SLC12A6: variants seen among roughly 807,000 people sequenced by gnomAD.
SLC12A6 encodes K-Cl cotransporter 3.
In SLC12A6, 66 loss-of-function variants were observed where a neutral mutation model predicts 135.3. The ratio of observed to expected loss-of-function variants is 0.49; its 90% CI spans 0.40 to 0.60. The LOEUF is 0.60. SLC12A6 is among the 20% of genes least tolerant of loss of function. The pLI is 0.00. For synonymous variants in SLC12A6, 513 were observed against 508.8 expected (o/e 1.01, Z -0.11); for missense variants, 1,058 against 1,452.3 (o/e 0.73, Z 4.41).
intron 2 of SLC12A6, among the ~76,000 whole-genome samples, chr15:34,333,308 C>T (rs1170388568): frequency 1.3e-5 from 2 of 150,926 alleles, no homozygotes; most frequent in Non-Finnish European, 2.9e-5. Context: ...CAGCTCACTG[C>T]AACCTCCGCC....
At chr15:34,288,308 T>C (rs1895261359) in intron 2 of SLC12A6, among the ~76,000 whole-genome samples, 1 of 152,222 alleles carries the variant, frequency 6.6e-6, no homozygotes, top group Non-Finnish European at 1.5e-5. Flanking sequence ...TGTGGTGTTA[T>C]TTCTGAGGCC....
chr15:34,327,659 A>T (rs1412333965), intron 2 of SLC12A6, among the ~76,000 whole-genome samples: 1 of 121,622 alleles, frequency 8.2e-6, no homozygotes, highest in East Asian at 2.0e-4. Flanking sequence ...CTCTGTCTCA[A>T]AAAAAAAAAA....
intron 2 of SLC12A6, among the ~76,000 whole-genome samples, chr15:34,292,117 G>A (rs1895579602): frequency 6.6e-6 from 1 of 152,170 alleles, no homozygotes; most frequent in African/African-American, 2.4e-5. Context: ...TCCCATCTTT[G>A]TGGTTTTATC....
At chr15:34,253,234 T>G (rs1203529283) in intron 9 of SLC12A6, among the ~76,000 whole-genome samples, 1 of 152,196 alleles carries the variant, frequency 6.6e-6, no homozygotes, top group Non-Finnish European at 1.5e-5. Context: ...CATTTCCCAG[T>G]CTTGTTTCAT....
chr15:34,314,861 G>A (rs146329606), intron 2 of SLC12A6: 68 of 152,318 alleles, frequency 4.5e-4, no homozygotes, highest in African/African-American at 1.6e-3. Flanking sequence ...ATTAACATTG[G>A]GAAGAAGTAG....
intron 9 of SLC12A6, among the ~76,000 whole-genome samples, chr15:34,254,044 A>G (rs1003325050): frequency 2.0e-5 from 3 of 152,356 alleles, no homozygotes; most frequent in South Asian, 2.1e-4. Context: ...CTTTATGAAT[A>G]GTTCAAAATG....
intron 16 of SLC12A6, among the ~76,000 whole-genome samples, 182 bp from the exon 17 acceptor site, chr15:34,242,403 A>T (rs1400116376): frequency 6.6e-6 from 1 of 152,222 alleles, no homozygotes; most frequent in Admixed American, 6.5e-5. Flanking sequence ...ACATGCCTGG[A>T]TGCTGTAGCA....
At chr15:34,329,943 G>C (rs922117470) in intron 2 of SLC12A6, among the ~76,000 whole-genome samples, 1 of 152,116 alleles carries the variant, frequency 6.6e-6, no homozygotes, top group Non-Finnish European at 1.5e-5. Context: ...GGAGTGGGGA[G>C]GAAGGAGCTG....
intron 2 of SLC12A6, among the ~76,000 whole-genome samples, chr15:34,285,879 CAAATTAATAGAAACAGAAAACAG>C (rs1895037956): frequency 6.6e-6 from 1 of 151,698 alleles, no homozygotes; most frequent in Non-Finnish European, 1.5e-5. Context: ...CTAAAGGAGT[CAAATTAATAGAAACAGAAAACAG>C]AATGGTGGTT....
intron 2 of SLC12A6, among the ~76,000 whole-genome samples, chr15:34,286,117 A>C (rs1280020656): frequency 6.6e-6 from 1 of 151,718 alleles, no homozygotes. Flanking sequence ...TCTGACACCC[A>C]GGCTGGAGTG....
chr15:34,255,387 C>T lies in SLC12A6; in HGVS notation c.751G>A (p.Gly251Ser). 1 of 1,608,926 alleles carries T rather than the reference C, an allele frequency of 6.2e-7. No individual in the cohort carries two copies. Among genetic ancestry groups the T allele is most frequent in the Non-Finnish European group, 8.5e-7 (1 of 1,175,372 alleles). ...IATNGVVPAG[G>S]SYFMISRALG... ...GCCCGGGAAATCATAAAGTATGAGC[C>T]CCCAGCTAAAAGACAAAACAGAAGG... The change falls in exon 8 of 26, where the codon GGC (glycine) becomes AGC (serine). Residue 251 changes from glycine to serine, a missense_variant. Around this residue, in one of 6 missense-constraint regions of SLC12A6, gnomAD observed 139 missense variants for 202.2 expected, o/e 0.69. Coordinates refer to ENST00000354181, the MANE Select transcript of SLC12A6 (RefSeq NM_001365088.1).
At chr15:34,285,130 T>G (rs1300280933) in intron 2 of SLC12A6, among the ~76,000 whole-genome samples, 2 of 152,198 alleles carry the variant, frequency 1.3e-5, no homozygotes, top group African/African-American at 4.8e-5. Context: ...ATTGAAAGGT[T>G]TTGGTTTCTG....
In SLC12A6 at chr15:34,239,998, G is replaced by T. The variant is rs192416049; in HGVS notation, c.2436+663C>A. Among the ~76,000 whole-genome samples, 489 of 151,814 alleles carry T rather than the reference G, an allele frequency of 3.2e-3. 1 individual carries two copies. Among genetic ancestry groups the T allele is most frequent in the African/African-American group, 0.011 (461 of 41,388 alleles). ...AAGTTTTAGGGTACATGTGCACAAC[G>T]TGCAGGTTTGTTACATATGTATACA... On this transcript the variant is annotated intron_variant, in intron 19 of 25. Coordinates refer to ENST00000354181, the MANE Select transcript of SLC12A6 (RefSeq NM_001365088.1).
In SLC12A6 at chr15:34,233,815, C is replaced by T. The variant is rs567450515; in HGVS notation, c.*66G>A. The T allele has an allele frequency of 7.7e-5, 65 of 839,096 alleles. 1 individual carries two copies. In the Middle Eastern group the frequency reaches 8.8e-4, roughly 11 times the overall value. The allele number at this position is 839,096 out of a possible 1,614,324, so 52.0% of individuals were successfully genotyped here. On this transcript the variant is annotated 3_prime_UTR_variant, in exon 26 of 26. Coordinates refer to ENST00000354181, the MANE Select transcript of SLC12A6 (RefSeq NM_001365088.1). ...GTTGAGTGGGAGTGGTAGTAATGAG[C>T]TGGCACTTCCATGGAGGACGTAGGC...
chr15:34,292,383 GCT>G (rs1287412890), intron 2 of SLC12A6, among the ~76,000 whole-genome samples: 1 of 152,086 alleles, frequency 6.6e-6, no homozygotes, highest in Non-Finnish European at 1.5e-5. Context: ...AGGGGAACCT[GCT>G]TGTATGAGGT....
At chr15:34,241,184 T>C in intron 18 of SLC12A6, 49 bp downstream of exon 18, 1 of 966,542 alleles carries the variant, frequency 1.0e-6, no homozygotes, top group Non-Finnish European at 1.7e-6. Flanking sequence ...AAACACATAT[T>C]TTTGTGTGTT....
intron 2 of SLC12A6, among the ~76,000 whole-genome samples, chr15:34,328,161 T>C (rs1889601020): frequency 6.6e-6 from 1 of 151,258 alleles, no homozygotes; most frequent in Non-Finnish European, 1.5e-5. Flanking sequence ...TTCCTAACAA[T>C]GTGGCTTTTG....
chr15:34,324,230 G>A (rs900168027), intron 2 of SLC12A6, among the ~76,000 whole-genome samples: 17 of 152,002 alleles, frequency 1.1e-4, no homozygotes, highest in Admixed American at 8.5e-4. Context: ...CATGGCATAC[G>A]ATGAATTATT....
At chr15:34,321,801 T>G (rs1170908486) in intron 2 of SLC12A6, among the ~76,000 whole-genome samples, 1 of 152,228 alleles carries the variant, frequency 6.6e-6, no homozygotes, top group Admixed American at 6.5e-5. Context: ...AAACTAGATA[T>G]GTTCAACAAC....
Sources: allele counts gnomAD v4.1 joint callset (sites outside exome capture counted in the v4.1 genomes callset), GRCh38; gene constraint gnomAD v4.1.1; regional missense constraint gnomAD v4.1.1; transcripts MANE v1.5; gene names NCBI Gene and HGNC (gene_info 2026-07-23, HGNC 2026-07-21).